Variants in NRDC observed in about 807,000 individuals in gnomAD.
NRDC encodes the protein nardilysin.
A neutral mutation model predicts 147.1 loss-of-function variants in NRDC; 54 were observed. That is an observed-to-expected ratio of 0.37 (90% confidence interval 0.29 to 0.46). NRDC has a LOEUF of 0.46. Ranked by LOEUF, NRDC falls within the 20% of genes least tolerant of loss-of-function variation. The pLI is 1.00. For missense variants in NRDC, 1,082 were observed against 1,370.6 expected (o/e 0.79, Z 3.33); for synonymous variants, 440 against 482.1 (o/e 0.91, Z 1.14).
At chr1:51,861,577 C>T (rs1682545758) in intron 1 of NRDC, among the ~76,000 whole-genome samples, 1 of 151,896 alleles carries the variant, frequency 6.6e-6, no homozygotes, top group Admixed American at 6.6e-5. Flanking sequence ...AACTCCTGAG[C>T]CCAGGCAATC....
At chr1:51,852,108 C>T (rs995142110) in intron 1 of NRDC, among the ~76,000 whole-genome samples, 3 of 152,124 alleles carry the variant, frequency 2.0e-5, no homozygotes, top group Non-Finnish European at 2.9e-5. Context: ...TATGGCCAAA[C>T]AGAAATGTGG....
At chr1:51,790,498 C>G in intron 29 of NRDC, 35 bp downstream of exon 29, 1 of 1,331,116 alleles carries the variant, frequency 7.5e-7, no homozygotes, top group Non-Finnish European at 1.1e-6. Flanking sequence ...GAACCTTGAC[C>G]AGTTTGAGCT....
chr1:51,844,075 G>GT (rs1681409829), intron 1 of NRDC, among the ~76,000 whole-genome samples: 2 of 151,930 alleles, frequency 1.3e-5, no homozygotes, highest in African/African-American at 4.8e-5. Flanking sequence ...TGTTGTCATC[G>GT]TGTCTAATCT....
At chr1:51,857,869 TTAAC>T (rs1365328283) in intron 1 of NRDC, among the ~76,000 whole-genome samples, 2 of 152,200 alleles carry the variant, frequency 1.3e-5, no homozygotes, top group East Asian at 3.8e-4. Flanking sequence ...GGAAAAATCA[TTAAC>T]TAAATTGATG....
chr1:51,852,623 C>T (rs913055033), intron 1 of NRDC, among the ~76,000 whole-genome samples: 11 of 8,178 alleles, frequency 1.3e-3, no homozygotes, highest in South Asian at 9.6e-3. Context: ...TTTATGTGAG[C>T]CTCCATGCCC....
chr1:51,815,044 T>C (rs1252963802), intron 11 of NRDC, among the ~76,000 whole-genome samples: 1 of 152,172 alleles, frequency 6.6e-6, no homozygotes, highest in Admixed American at 6.5e-5. Context: ...ACAGTCTTTG[T>C]TTAATGCAAA....
chr1:51,839,788 T>C (rs1681175370), intron 2 of NRDC, among the ~76,000 whole-genome samples: 1 of 152,196 alleles, frequency 6.6e-6, no homozygotes, highest in Non-Finnish European at 1.5e-5. Context: ...CCTAGGCCCA[T>C]GTAAAGATTT....
chr1:51,873,521 T>TTATTTATG (rs1553222155), intron 1 of NRDC, among the ~76,000 whole-genome samples: 1 of 144,210 alleles, frequency 6.9e-6, no homozygotes, highest in Non-Finnish European at 1.5e-5. Flanking sequence ...ATTTATTTAT[T>TTATTTATG]TATGTTTGAG....
chr1:51,853,902 T>C (rs1682110052), intron 1 of NRDC, among the ~76,000 whole-genome samples: 1 of 152,210 alleles, frequency 6.6e-6, no homozygotes, highest in African/African-American at 2.4e-5. Context: ...AAAATCCATG[T>C]TTTCTGGATT....
intron 1 of NRDC, among the ~76,000 whole-genome samples, chr1:51,877,181 C>T (rs930517675): frequency 3.3e-5 from 5 of 150,968 alleles, no homozygotes; most frequent in Admixed American, 1.3e-4. Context: ...AGCAAGACTC[C>T]GTTTCAAAAA....
chr1:51,839,560 A>T (rs916304409), intron 2 of NRDC, among the ~76,000 whole-genome samples: 5 of 152,188 alleles, frequency 3.3e-5, no homozygotes, highest in Admixed American at 3.3e-4. Context: ...AAATGGAGGT[A>T]TTCTTCAAAA....
intron 11 of NRDC, 24 bp from the exon 12 acceptor site, chr1:51,814,837 C>T: frequency 6.4e-7 from 1 of 1,550,610 alleles, no homozygotes; most frequent in Non-Finnish European, 8.7e-7. Flanking sequence ...AAAAATTAAC[C>T]CAATCAATGT....
At chr1:51,789,701 A>C (rs1678492217) in intron 29 of NRDC, 44 bp from the exon 30 acceptor site, 4 of 1,391,130 alleles carry the variant, frequency 2.9e-6, no homozygotes, top group Non-Finnish European at 3.1e-6. Flanking sequence ...AAGAAGAAAG[A>C]TAGCTCTTAA....
chr1:51,795,068 C>G lies in NRDC; in HGVS notation c.2605-214G>C. ...TAAGCAGCTCTTAACTGTTCTGGCTCTCTTGGCAATCTGTTTACCCATAAT... is the reference window on the plus strand; with the variant it reads ...TAAGCAGCTCTTAACTGTTCTGGCTGTCTTGGCAATCTGTTTACCCATAAT... On this transcript the variant is annotated intron_variant, in intron 22 of 30. Coordinates refer to ENST00000352171, the MANE Select transcript of NRDC (RefSeq NM_001101662.2). 2.1e-6 allele frequency: 3 copies of G among 1,462,532 alleles called. No homozygotes were observed. In the South Asian group the frequency reaches 3.9e-5, roughly 19 times the overall value. 90.6% of individuals were successfully genotyped at this position (1,462,532 alleles called of 1,614,324 possible).
chr1:51,806,461 G>T (rs1255497696), intron 18 of NRDC, among the ~76,000 whole-genome samples: 1 of 152,156 alleles, frequency 6.6e-6, no homozygotes, highest in Non-Finnish European at 1.5e-5. Context: ...ACACTGGAGT[G>T]TCCATAAGGA....
chr1:51,864,788 C>T (rs905459930), intron 1 of NRDC, among the ~76,000 whole-genome samples: 1 of 152,004 alleles, frequency 6.6e-6, no homozygotes, highest in East Asian at 1.9e-4. Context: ...CCTGTCTCTG[C>T]TAAAAATACA....
intron 18 of NRDC, among the ~76,000 whole-genome samples, chr1:51,806,171 A>G (rs564079641): frequency 3.9e-5 from 6 of 152,268 alleles, no homozygotes; most frequent in African/African-American, 1.4e-4. Flanking sequence ...CATTAAAGAT[A>G]AGGACTTTAG....
Position 51,798,446 on chromosome 1 carries a change from T to C in NRDC, c.2442-35A>G, listed in dbSNP as rs773497747. The C allele has an allele frequency of 2.6e-6, 4 of 1,538,796 alleles. No homozygotes were observed. The South Asian group carries it at 4.7e-5, about 18-fold the overall frequency. On this transcript the variant is annotated intron_variant, in intron 21 of 30. Transcript: ENST00000352171. ...GGGCAGAAAAAAAACACTCAAAGTT[T>C]TGTTATTAGAAATGAATCTTCAGAA... is the stretch of plus-strand genomic sequence containing the variant.
intron 14 of NRDC, among the ~76,000 whole-genome samples, chr1:51,812,961 CAAAAAAAA>C (rs5774107): frequency 5.6e-5 from 4 of 71,816 alleles, no homozygotes; most frequent in Admixed American, 1.9e-4. Context: ...GACTCTGTCT[CAAAAAAAA>C]AAAAAAAAAA....
Sources: gnomAD v4.1 joint callset for allele counts (sites outside exome capture counted in the v4.1 genomes callset) on GRCh38, gnomAD v4.1.1 for gene constraint, MANE v1.5 for transcripts, NCBI Gene and HGNC (gene_info 2026-07-23, HGNC 2026-07-21) for gene names.